GRID1: variants seen among roughly 807,000 people sequenced by gnomAD.
GRID1 encodes the protein glutamate ionotropic receptor delta type subunit 1.
Under a neutral mutation model 98.0 loss-of-function variants are expected in GRID1, and 28 were observed. The observed-to-expected ratio is 0.29, with a 90% CI of 0.21 to 0.39. The LOEUF (loss-of-function observed/expected upper bound fraction) is 0.39, where lower values mean the gene tolerates loss of function less well. Among genes scored for constraint, GRID1 ranks in the 10% least tolerant of loss-of-function variants. GRID1 has a pLI of 1.00. For synonymous variants in GRID1, 553 were observed against 538.5 expected, an observed-to-expected ratio of 1.03 and a Z score of -0.37; for missense variants, 1,111 against 1,340.5, an observed-to-expected ratio of 0.83 and a Z score of 2.67.
At chr10:85,910,841 C>T (rs767615740) in intron 5 of GRID1, among the ~76,000 whole-genome samples, 2 of 152,170 alleles carry the variant, frequency 1.3e-5, no homozygotes, top group Admixed American at 6.5e-5. Flanking sequence ...GAAAAAATCA[C>T]CCTACTGGGG....
chr10:85,804,565 A>G (rs1318296691), intron 8 of GRID1, among the ~76,000 whole-genome samples: 3 of 151,886 alleles, frequency 2.0e-5, no homozygotes, highest in Non-Finnish European at 4.4e-5. Flanking sequence ...GAAAAAAATC[A>G]TAGATTAATA....
chr10:86,012,611 C>A (rs1240015870), intron 4 of GRID1, among the ~76,000 whole-genome samples: 1 of 152,158 alleles, frequency 6.6e-6, no homozygotes, highest in Non-Finnish European at 1.5e-5. Context: ...TCAGGTGTTG[C>A]AATCCTAACC....
At chr10:85,851,350 C>T (rs1464991531) in intron 8 of GRID1, among the ~76,000 whole-genome samples, 1 of 152,182 alleles carries the variant, frequency 6.6e-6, no homozygotes, top group Admixed American at 6.5e-5. Context: ...CTTGTAGTTA[C>T]ACAGCAAGCT....
At chr10:85,987,204 C>T (rs1260581026) in intron 4 of GRID1, among the ~76,000 whole-genome samples, 5 of 152,018 alleles carry the variant, frequency 3.3e-5, no homozygotes, top group Non-Finnish European at 5.9e-5. Flanking sequence ...GATTGAGTCA[C>T]GGTCCCCACC....
chr10:86,103,865 G>A (rs369368912), intron 4 of GRID1, among the ~76,000 whole-genome samples: 3 of 152,110 alleles, frequency 2.0e-5, no homozygotes, highest in East Asian at 1.9e-4. Context: ...CTGCACATGG[G>A]GCAATCAATC....
intron 12 of GRID1, among the ~76,000 whole-genome samples, chr10:85,662,850 G>A (rs1840981502): frequency 6.6e-6 from 1 of 152,188 alleles, no homozygotes; most frequent in Admixed American, 6.5e-5. Context: ...TCCTCAGGAT[G>A]AAGGGACCCC....
At chr10:85,635,807 G>T (rs1401605956) in intron 13 of GRID1, among the ~76,000 whole-genome samples, 1 of 152,164 alleles carries the variant, frequency 6.6e-6, no homozygotes, top group Non-Finnish European at 1.5e-5. Flanking sequence ...ATGGCCTGAG[G>T]GATAACCAGG....
chr10:85,613,276 TA>T, intron 15 of GRID1, 130 bp downstream of exon 15: 1 of 878,664 alleles, frequency 1.1e-6, no homozygotes, highest in Non-Finnish European at 1.7e-6. Context: ...TCCCCCAATA[TA>T]AAACACTGCT....
intron 2 of GRID1, among the ~76,000 whole-genome samples, chr10:86,221,198 GT>G (rs1312316011): frequency 6.6e-6 from 1 of 152,206 alleles, no homozygotes; most frequent in Admixed American, 6.5e-5. Flanking sequence ...CTCTTTGCCA[GT>G]GATAATGAAA....
chr10:86,128,363 T>C (rs556666384), intron 4 of GRID1, among the ~76,000 whole-genome samples: 8 of 152,280 alleles, frequency 5.3e-5, no homozygotes, highest in Non-Finnish European at 8.8e-5. Flanking sequence ...AATTCATGTG[T>C]GCTTTTCCTG....
At chr10:85,753,283 T>C (rs1842065232) in intron 8 of GRID1, among the ~76,000 whole-genome samples, 1 of 152,216 alleles carries the variant, frequency 6.6e-6, no homozygotes, top group Non-Finnish European at 1.5e-5. Context: ...GGTCCTTTAC[T>C]GCAAATAGTT....
chr10:86,053,892 GCA>G (rs1843538622), intron 4 of GRID1, among the ~76,000 whole-genome samples: 1 of 152,126 alleles, frequency 6.6e-6, no homozygotes, highest in African/African-American at 2.4e-5. Flanking sequence ...GTGCACACAT[GCA>G]CACACACGTT....
At chr10:86,180,303 C>T (rs1259276183) in intron 3 of GRID1, among the ~76,000 whole-genome samples, 2 of 152,076 alleles carry the variant, frequency 1.3e-5, no homozygotes, top group South Asian at 4.2e-4. Flanking sequence ...CTCATTTTAC[C>T]GACAAATGGC....
chr10:86,038,297 G>C (rs1168263993), intron 4 of GRID1, among the ~76,000 whole-genome samples: 1 of 152,226 alleles, frequency 6.6e-6, no homozygotes. Flanking sequence ...ACCATTGGAA[G>C]AGATGCATAT....
chr10:86,267,257 T>C (rs1806502444), intron 2 of GRID1, among the ~76,000 whole-genome samples: 1 of 152,246 alleles, frequency 6.6e-6, no homozygotes, highest in Non-Finnish European at 1.5e-5. Flanking sequence ...CTGAAAGTCA[T>C]GTAGCCATCA....
chr10:85,884,257 T>C (rs1051587246), intron 5 of GRID1, among the ~76,000 whole-genome samples: 51 of 152,194 alleles, frequency 3.4e-4, no homozygotes, highest in African/African-American at 1.2e-3. Context: ...CATGAAGACA[T>C]ACTACTAAAC....
At chr10:86,169,610 G>C (rs898915428) in intron 3 of GRID1, among the ~76,000 whole-genome samples, 1 of 152,188 alleles carries the variant, frequency 6.6e-6, no homozygotes, top group Admixed American at 6.5e-5. Flanking sequence ...AAGGCCTGGT[G>C]AGTCAGCAAG....
At chr10:85,914,252 G>A (rs550944626) in intron 5 of GRID1, among the ~76,000 whole-genome samples, 21 of 152,316 alleles carry the variant, frequency 1.4e-4, no homozygotes, top group Non-Finnish European at 2.6e-4. Flanking sequence ...AACAGGTTAG[G>A]AATGTAAAAA....
intron 8 of GRID1, among the ~76,000 whole-genome samples, chr10:85,761,333 A>C (rs1041221364): frequency 3.3e-5 from 5 of 152,230 alleles, no homozygotes; most frequent in African/African-American, 1.2e-4. Context: ...TTTGGGCTTC[A>C]GCACAATTAG....
Sources: allele counts gnomAD v4.1 joint callset (sites outside exome capture counted in the v4.1 genomes callset), GRCh38; gene constraint gnomAD v4.1.1; transcripts MANE v1.5; gene names NCBI Gene and HGNC (gene_info 2026-07-23, HGNC 2026-07-21).